The following LRRTM4 variants were observed in gnomAD, a reference collection of about 807,000 sequenced individuals.
LRRTM4 encodes the protein leucine-rich repeat transmembrane neuronal protein 4.
Under a neutral mutation model 47.6 loss-of-function variants are expected in LRRTM4, and 25 were observed. The observed-to-expected ratio is 0.53, with a 90% CI of 0.38 to 0.73. The LOEUF is 0.73. Among genes scored for constraint, LRRTM4 ranks in the 30% least tolerant of loss-of-function variants. The probability of loss-of-function intolerance (pLI) is 0.00; values close to 1 mark genes in which losing one functional copy is unlikely to be tolerated. For missense variants in LRRTM4, 638 were observed against 713.4 expected, an observed-to-expected ratio of 0.89 and a Z score of 1.20; for synonymous variants, 311 against 269.5, an observed-to-expected ratio of 1.15 and a Z score of -1.51.
chr2:77,480,870 A>G (rs537122812), intron 3 of LRRTM4, among the ~76,000 whole-genome samples: 6 of 131,606 alleles, frequency 4.6e-5, no homozygotes, highest in African/African-American at 1.7e-4. Context: ...AGAGAGAAAT[A>G]GCTCTCATGC....
At chr2:76,866,050 T>C (rs1481614135) in intron 3 of LRRTM4, among the ~76,000 whole-genome samples, 1 of 151,912 alleles carries the variant, frequency 6.6e-6, no homozygotes, top group Non-Finnish European at 1.5e-5. Flanking sequence ...CAAGTGGGGA[T>C]GGGCCTATGT....
At chr2:77,031,471 A>G (rs993203819) in intron 3 of LRRTM4, among the ~76,000 whole-genome samples, 1 of 152,032 alleles carries the variant, frequency 6.6e-6, no homozygotes, top group African/African-American at 2.4e-5. Flanking sequence ...TTATTTCCTA[A>G]TTTTTCCACA....
intron 3 of LRRTM4, among the ~76,000 whole-genome samples, chr2:76,917,130 G>A (rs1384338371): frequency 6.6e-6 from 1 of 152,172 alleles, no homozygotes; most frequent in Non-Finnish European, 1.5e-5. Context: ...GAATTGTATA[G>A]TCTTTGTTGC....
chr2:77,421,490 G>A (rs966633668), intron 3 of LRRTM4, among the ~76,000 whole-genome samples: 2 of 152,234 alleles, frequency 1.3e-5, no homozygotes, highest in East Asian at 1.9e-4. Context: ...GGCGGATCAC[G>A]AAGTCAGGAG....
At position 77,270,011 on chromosome 2, in the gene LRRTM4, G is replaced by T. The variant is rs143271403; in HGVS notation, c.1551+248307C>A. On this transcript the variant is annotated intron_variant, in intron 3 of 3. Coordinates refer to ENST00000409884, the MANE Select transcript of LRRTM4 (RefSeq NM_001134745.3). ...TTTTTGATTGCTGAAAGACACAGAAGCTGAGGTCCTCTAGCCATAGGCATG... is the reference window on the plus strand; with the variant it reads ...TTTTTGATTGCTGAAAGACACAGAATCTGAGGTCCTCTAGCCATAGGCATG... 3.9e-5 allele frequency among the ~76,000 whole-genome samples: 6 copies of T among 152,284 alleles called. No individual in the cohort carries two copies. In the East Asian group the frequency reaches 1.2e-3, roughly 29 times the overall value.
chr2:76,898,804 G>A (rs945797849), intron 3 of LRRTM4, among the ~76,000 whole-genome samples: 4 of 150,480 alleles, frequency 2.7e-5, no homozygotes, highest in Non-Finnish European at 4.4e-5. Context: ...ATATAATAGA[G>A]ATTTTATATT....
chr2:77,362,174 G>GAAAGAAAGAAAGA lies in LRRTM4; in HGVS notation c.1551+156143_1551+156144insTCTTTCTTTCTTT, dbSNP rs1491583250. Among the ~76,000 whole-genome samples the GAAAGAAAGAAAGA allele has an allele frequency of 2.4e-3, 187 of 78,914 alleles. 2 individuals are homozygous for GAAAGAAAGAAAGA. The highest frequency in any genetic ancestry group is 9.1e-3 in the Middle Eastern group (1 of 110). The allele number at this position is 78,914 out of a possible 152,430, so 51.8% of individuals were successfully genotyped here. Reference sequence around the variant, plus strand: ...GAAAGAAAGAAAGAAAGAAAGAAAGGAAGGAAGGAAGAGTTCTTAATGTCC... The same window carrying GAAAGAAAGAAAGA: ...GAAAGAAAGAAAGAAAGAAAGAAAGGAAAGAAAGAAAGAAAGGAAGGAAGAGTTCTTAATGTCC... On this transcript the variant is annotated intron_variant, in intron 3 of 3. Transcript: ENST00000409884.
intron 3 of LRRTM4, among the ~76,000 whole-genome samples, chr2:77,008,509 A>G (rs1446918140): frequency 6.6e-6 from 1 of 152,190 alleles, no homozygotes; most frequent in Non-Finnish European, 1.5e-5. Context: ...AGCTTTTTGA[A>G]TAAGGTTGCT....
chr2:76,826,524 T>C (rs1671195707), intron 3 of LRRTM4, among the ~76,000 whole-genome samples: 1 of 116,244 alleles, frequency 8.6e-6, no homozygotes, highest in African/African-American at 3.8e-5. Flanking sequence ...AAATATAAAT[T>C]GCTACATAGA....
chr2:77,241,034 T>C (rs1675245323), intron 3 of LRRTM4, among the ~76,000 whole-genome samples: 1 of 151,966 alleles, frequency 6.6e-6, no homozygotes, highest in Non-Finnish European at 1.5e-5. Context: ...TTAGAATTTT[T>C]AAAAATAAAA....
chr2:77,518,255 C>A, intron 3 of LRRTM4, 63 bp downstream of exon 3: 1 of 1,467,872 alleles, frequency 6.8e-7, no homozygotes, highest in Non-Finnish European at 9.0e-7. Flanking sequence ...ACCTCTAGGG[C>A]TTCAAACATT....
intron 3 of LRRTM4, among the ~76,000 whole-genome samples, chr2:76,960,902 T>G (rs1675835676): frequency 6.6e-6 from 1 of 151,542 alleles, no homozygotes; most frequent in African/African-American, 2.4e-5. Flanking sequence ...ACCATTTTTG[T>G]TAAATAATGA....
At chr2:76,954,030 T>A (rs546826834) in intron 3 of LRRTM4, among the ~76,000 whole-genome samples, 185 of 151,828 alleles carry the variant, frequency 1.2e-3, no homozygotes, top group Non-Finnish European at 2.4e-3. Context: ...AAAGACCACA[T>A]GTATAAAAGA....
At chr2:76,826,052 C>T (rs1427759850) in intron 3 of LRRTM4, among the ~76,000 whole-genome samples, 1 of 151,614 alleles carries the variant, frequency 6.6e-6, no homozygotes, top group Non-Finnish European at 1.5e-5. Context: ...TAGAATTACA[C>T]ATAGAATAAT....
chr2:77,058,482 C>A (rs958229977), intron 3 of LRRTM4, among the ~76,000 whole-genome samples: 25 of 150,334 alleles, frequency 1.7e-4, no homozygotes, highest in Non-Finnish European at 2.4e-4. Flanking sequence ...GCCTCTTTTT[C>A]TTTTTTTCAT....
At chr2:76,828,139 T>C (rs1264018440) in intron 3 of LRRTM4, among the ~76,000 whole-genome samples, 1 of 151,876 alleles carries the variant, frequency 6.6e-6, no homozygotes, top group Admixed American at 6.6e-5. Context: ...GAAATAGAAT[T>C]ATCTCCTGTG....
intron 3 of LRRTM4, among the ~76,000 whole-genome samples, chr2:76,900,401 G>C (rs571835989): frequency 7.8e-6 from 1 of 128,742 alleles, no homozygotes; most frequent in African/African-American, 3.0e-5. Context: ...ATTATTTCAT[G>C]CTTATCTCTA....
chr2:76,838,228 T>C (rs79303315), intron 3 of LRRTM4, among the ~76,000 whole-genome samples: 14,392 of 151,978 alleles, frequency 0.095, 739 homozygotes, highest in Middle Eastern at 0.17. Context: ...ATCACATATA[T>C]CATTCAATTT....
At chr2:77,515,035 G>T (rs1291915033) in intron 3 of LRRTM4, among the ~76,000 whole-genome samples, 1 of 151,680 alleles carries the variant, frequency 6.6e-6, no homozygotes, top group Admixed American at 6.6e-5. Flanking sequence ...TATCCTTTTG[G>T]CTTTAAATTC....
Sources: gnomAD v4.1 joint callset for allele counts (sites outside exome capture counted in the v4.1 genomes callset) on GRCh38, gnomAD v4.1.1 for gene constraint, MANE v1.5 for transcripts, NCBI Gene and HGNC (gene_info 2026-07-23, HGNC 2026-07-21) for gene names.